The following PTPN14 variants were observed in gnomAD, a reference collection of about 807,000 sequenced individuals.
PTPN14 encodes the protein protein tyrosine phosphatase non-receptor type 14.
A neutral mutation model predicts 126.8 loss-of-function variants in PTPN14; 53 were observed. The observed-to-expected ratio is 0.42, with a 90% CI of 0.34 to 0.53. The LOEUF (loss-of-function observed/expected upper bound fraction) is 0.53. Among genes scored for constraint, PTPN14 ranks in the 20% least tolerant of loss-of-function variants. The probability of loss-of-function intolerance (pLI) is 0.08; values close to 1 mark genes in which losing one functional copy is unlikely to be tolerated. For synonymous variants in PTPN14, 630 were observed against 599.3 expected (o/e 1.05, Z -0.75); for missense variants, 1,257 against 1,552.9 (o/e 0.81, Z 3.20).
intron 1 of PTPN14, among the ~76,000 whole-genome samples, chr1:214,479,947 ATT>A (rs1042935386): frequency 6.6e-6 from 1 of 152,166 alleles, no homozygotes; most frequent in Non-Finnish European, 1.5e-5. Context: ...GTACCATCTT[ATT>A]TGATATCTTT....
At chr1:214,528,495 T>C (rs1655456771) in intron 1 of PTPN14, 1 of 152,216 alleles carries the variant, frequency 6.6e-6, no homozygotes, top group South Asian at 2.1e-4. Flanking sequence ...AATATATTGC[T>C]CTATGTGACT....
chr1:214,522,424 A>T (rs1655283216), intron 1 of PTPN14, among the ~76,000 whole-genome samples: 1 of 152,182 alleles, frequency 6.6e-6, no homozygotes, highest in African/African-American at 2.4e-5. Flanking sequence ...TAACTTGCAA[A>T]ATGGCCAGTC....
chr1:214,488,331 T>C (rs1016498974), intron 1 of PTPN14, among the ~76,000 whole-genome samples: 1 of 152,184 alleles, frequency 6.6e-6, no homozygotes, highest in African/African-American at 2.4e-5. Flanking sequence ...GGCACTACAC[T>C]AGACAATAGG....
chr1:214,525,584 C>T (rs1253559932), intron 1 of PTPN14, among the ~76,000 whole-genome samples: 1 of 152,100 alleles, frequency 6.6e-6, no homozygotes, highest in Non-Finnish European at 1.5e-5. Flanking sequence ...CAGAAGTTTC[C>T]TCTTTCACTC....
chr1:214,394,909 A>T lies in PTPN14; in HGVS notation c.836T>A (p.Leu279His). 1.2e-6 allele frequency: 2 copies of T among 1,612,542 alleles called. No homozygotes were observed. The highest frequency in any genetic ancestry group is 1.7e-6 in the Non-Finnish European group (2 of 1,178,632). ...GTCTGTTGTGCTTACCGTGTGAAAG[A>T]GGGCAGTCTCTTCTTTGTTGATGAG... ...VELINKEETA[L>H]FHTDDIENAK... is the part of the protein sequence containing the mutation. Residue 279 changes from leucine (L) to histidine (H), a missense_variant, in exon 9 of 19, where the codon CTC becomes CAC. Leu to His is a moderately conservative substitution (Grantham distance 99, BLOSUM62 -3). Transcript: ENST00000366956.
intron 3 of PTPN14, among the ~76,000 whole-genome samples, chr1:214,436,953 T>G (rs1659934464): frequency 6.6e-6 from 1 of 151,282 alleles, no homozygotes; most frequent in African/African-American, 2.4e-5. Context: ...AGTAAGGAAG[T>G]AGTCACAGAT....
intron 11 of PTPN14, among the ~76,000 whole-genome samples, chr1:214,390,717 T>C (rs1171335676): frequency 6.6e-6 from 1 of 152,192 alleles, no homozygotes; most frequent in Non-Finnish European, 1.5e-5. Flanking sequence ...CCATGGGCTG[T>C]ATGCTGATGG....
intron 5 of PTPN14, among the ~76,000 whole-genome samples, chr1:214,406,010 G>A (rs1659162118): frequency 6.6e-6 from 1 of 152,152 alleles, no homozygotes; most frequent in South Asian, 2.1e-4. Flanking sequence ...TGGGGCAGGG[G>A]CAGGGGCTGA....
chr1:214,475,400 A>G (rs951372568), intron 1 of PTPN14, among the ~76,000 whole-genome samples: 3 of 152,188 alleles, frequency 2.0e-5, no homozygotes, highest in Admixed American at 6.5e-5. Flanking sequence ...AGAACCATCA[A>G]TTGGGCATAA....
rs181126979 is a variant in PTPN14, at chr1:214,364,099, T to C, written c.3435+413A>G. Reference sequence around the variant, plus strand: ...GAAAAACATTTTCCAAGTAGACACATTTTCACCTAGCATTTAGGCCAGAAC... The same window carrying C: ...GAAAAACATTTTCCAAGTAGACACACTTTCACCTAGCATTTAGGCCAGAAC... On this transcript the variant is annotated intron_variant, in intron 18 of 18. Coordinates refer to ENST00000366956, the MANE Select transcript of PTPN14 (RefSeq NM_005401.5). This position sits in a 1 kb window ranked among gnomAD's most constrained non-coding sequence, Gnocchi z 4.1. Among the ~76,000 whole-genome samples the C allele has an allele frequency of 5.3e-5, 8 of 152,256 alleles. No homozygotes were observed. The highest frequency in any genetic ancestry group is 5.2e-4 in the Admixed American group (8 of 15,298).
intron 1 of PTPN14, among the ~76,000 whole-genome samples, chr1:214,507,747 C>T (rs1050219016): frequency 6.6e-6 from 1 of 152,156 alleles, no homozygotes; most frequent in African/African-American, 2.4e-5. Flanking sequence ...AAACTTTTTG[C>T]TTTCCCAGTG....
At chr1:214,528,397 C>T (rs1346338882) in intron 1 of PTPN14, 1 of 152,086 alleles carries the variant, frequency 6.6e-6, no homozygotes, top group Non-Finnish European at 1.5e-5. Flanking sequence ...CATCCATTAA[C>T]ATTCTAAGTA....
rs188230385 is a variant in PTPN14, at chr1:214,506,395, T to C, written c.-154-41438A>G. 4.4e-4 allele frequency among the ~76,000 whole-genome samples: 67 copies of C among 151,924 alleles called. 1 individual carries two copies. Among genetic ancestry groups the C allele is most frequent in the African/African-American group, 1.5e-3 (64 of 41,412 alleles). On this transcript the variant is annotated intron_variant, in intron 1 of 18. Transcript: ENST00000366956. ...GCTGGGTGTTGGTGGCATGTGCCTA[T>C]AATTCCAGCTACTCCCGAGGCTGAG...
Position 214,372,779 on chromosome 1 carries a change from A to G in PTPN14, c.2968T>C (p.Cys990Arg), listed in dbSNP as rs1193197006. 6.2e-7 allele frequency: 1 copy of G among 1,614,076 alleles called. No homozygotes were observed. Among genetic ancestry groups the G allele is most frequent in the Non-Finnish European group, 8.5e-7 (1 of 1,180,036 alleles). Residue 990 changes from cysteine to arginine, a missense_variant, in exon 16 of 19, where the codon TGC becomes CGC. This residue lies in a region of PTPN14 where 65 missense variants were observed against 139.7 expected (regional missense o/e 0.47). Transcript: ENST00000366956. The part of the protein sequence containing the change: ...IATQGPLPHT[C>R]HDFWQMVWEQ... ...CACACCATCTGCCAGAAGTCGTGGC[A>G]CGTGTGTGGCAGGGGCCCCTGGGTG...
rs557001153 is a variant in PTPN14 at position 214,444,258 on chromosome 1, A to G, written c.344+7547T>C. On this transcript the variant is annotated intron_variant, in intron 3 of 18. Transcript: ENST00000366956. ...ATCCCAATGTCAACTGCATCTTAAAATATCTAAAATATCTGGCAGAAATAA... is the reference window on the plus strand; with the variant it reads ...ATCCCAATGTCAACTGCATCTTAAAGTATCTAAAATATCTGGCAGAAATAA... 5.9e-5 allele frequency among the ~76,000 whole-genome samples: 9 copies of G among 152,336 alleles called. No individual in the cohort carries two copies. The South Asian group carries it at 1.9e-3, about 32-fold the overall frequency.
chr1:214,496,102 A>T lies in PTPN14; in HGVS notation c.-154-31145T>A, dbSNP rs11808502. Among the ~76,000 whole-genome samples, 388 of 152,240 alleles carry T rather than the reference A, an allele frequency of 2.5e-3. 4 individuals are homozygous for T. The highest frequency in any genetic ancestry group is 8.8e-3 in the African/African-American group (364 of 41,536). On this transcript the variant is annotated intron_variant, in intron 1 of 18. Transcript: ENST00000366956. ...TGGCATTCTTGGTCCTGAGCTTATA[A>T]TTTGCTCAGTAATTTTCCATTTCAG... is the stretch of plus-strand genomic sequence containing the variant.
intron 3 of PTPN14, among the ~76,000 whole-genome samples, chr1:214,421,788 C>T (rs1659550294): frequency 6.6e-6 from 1 of 152,156 alleles, no homozygotes; most frequent in African/African-American, 2.4e-5. Context: ...CCTGCCTCCT[C>T]GCCATTTCCT....
intron 1 of PTPN14, among the ~76,000 whole-genome samples, chr1:214,520,309 T>C (rs888329990): frequency 1.3e-4 from 20 of 152,036 alleles, no homozygotes; most frequent in South Asian, 8.3e-4. Context: ...CCAATAAATA[T>C]ATAGTAACAA....
chr1:214,485,635 C>G (rs1661092954), intron 1 of PTPN14, among the ~76,000 whole-genome samples: 1 of 152,168 alleles, frequency 6.6e-6, no homozygotes, highest in African/African-American at 2.4e-5. Flanking sequence ...AATACAGAGG[C>G]GAATGTAACC....
Sources: allele counts gnomAD v4.1 joint callset (sites outside exome capture counted in the v4.1 genomes callset), GRCh38; gene constraint gnomAD v4.1.1; regional missense constraint gnomAD v4.1.1; non-coding constraint Gnocchi (gnomAD v3.1); transcripts MANE v1.5; gene names NCBI Gene and HGNC (gene_info 2026-07-23, HGNC 2026-07-21).